The following PIP5K1B variants were observed in gnomAD, a reference collection of about 807,000 sequenced individuals.
PIP5K1B encodes the protein phosphatidylinositol-4-phosphate 5-kinase type 1 beta.
PIP5K1B carries 42 observed loss-of-function variants against 67.0 expected under a neutral mutation model. That is an observed-to-expected ratio of 0.63 (90% CI 0.49 to 0.81). PIP5K1B has a LOEUF of 0.81. PIP5K1B is among the 30% of genes least tolerant of loss of function. The pLI is 0.00. For synonymous variants in PIP5K1B, 214 were observed against 231.4 expected, an observed-to-expected ratio of 0.92 and a Z score of 0.68; for missense variants, 459 against 646.3, an observed-to-expected ratio of 0.71 and a Z score of 3.14.
chr9:68,768,994 C>A (rs766718527), intron 2 of PIP5K1B, among the ~76,000 whole-genome samples: 1 of 152,164 alleles, frequency 6.6e-6, no homozygotes, highest in Non-Finnish European at 1.5e-5. Context: ...TCGTAGTCGC[C>A]CTGTTGGGAA....
chr9:68,749,578 G>A (rs1387593616), intron 2 of PIP5K1B, among the ~76,000 whole-genome samples: 1 of 152,160 alleles, frequency 6.6e-6, no homozygotes, highest in Non-Finnish European at 1.5e-5. Flanking sequence ...AAGGTAACAT[G>A]ACCACCTGTA....
intron 4 of PIP5K1B, among the ~76,000 whole-genome samples, chr9:68,851,038 T>C (rs557038273): frequency 6.6e-6 from 1 of 152,340 alleles, no homozygotes; most frequent in Admixed American, 6.5e-5. Context: ...GTCCATAATT[T>C]GATGCTGCTG....
intron 4 of PIP5K1B, among the ~76,000 whole-genome samples, chr9:68,841,063 C>T (rs12341508): frequency 0.064 from 9,680 of 152,226 alleles, 630 homozygotes; most frequent in African/African-American, 0.16. Flanking sequence ...ATTTCCTTCT[C>T]CTCTTCTCTT....
chr9:68,869,004 T>C (rs1823495319), intron 5 of PIP5K1B, among the ~76,000 whole-genome samples: 1 of 152,222 alleles, frequency 6.6e-6, no homozygotes, highest in Non-Finnish European at 1.5e-5. Context: ...TAAGCAAACA[T>C]ATATGTCAAA....
chr9:69,007,590 G>A (rs192374674), intron 15 of PIP5K1B, among the ~76,000 whole-genome samples: 30 of 152,310 alleles, frequency 2.0e-4, no homozygotes, highest in Admixed American at 5.9e-4. Flanking sequence ...GGGTGAGGTG[G>A]CTCACGCCTG....
chr9:68,811,501 A>G (rs1411307540), intron 2 of PIP5K1B, among the ~76,000 whole-genome samples: 1 of 152,142 alleles, frequency 6.6e-6, no homozygotes, highest in Non-Finnish European at 1.5e-5. Flanking sequence ...CTTAGGTGGC[A>G]TCTCCAATAG....
Position 69,008,486 on chromosome 9 carries a change from G to A in PIP5K1B, c.*37G>A, listed in dbSNP as rs771826277. ...GATCACCTAAGCACATGGATGAGAC[G>A]TGAGCACAGTTATGGCAGAGAAGTT... On this transcript the variant is annotated 3_prime_UTR_variant, in exon 16 of 16. Transcript: ENST00000265382. The A allele has an allele frequency of 1.4e-5, 23 of 1,608,316 alleles. No homozygotes were observed. The highest frequency in any genetic ancestry group is 8.0e-5 in the African/African-American group (6 of 74,796).
intron 15 of PIP5K1B, 111 bp from the exon 16 acceptor site, chr9:69,008,336 T>G (rs1053395275): frequency 1.1e-6 from 1 of 933,546 alleles, no homozygotes; most frequent in African/African-American, 1.6e-5. Context: ...CACCCCATTT[T>G]CCAGACACAA....
intron 2 of PIP5K1B, among the ~76,000 whole-genome samples, chr9:68,749,766 A>C (rs946170534): frequency 1.3e-5 from 2 of 152,120 alleles, no homozygotes; most frequent in African/African-American, 4.8e-5. Flanking sequence ...TGCCCTGAGG[A>C]TGTTCAGCGG....
intron 14 of PIP5K1B, among the ~76,000 whole-genome samples, chr9:68,980,229 G>A (rs1443666131): frequency 6.6e-6 from 1 of 152,194 alleles, no homozygotes; most frequent in East Asian, 1.9e-4. Flanking sequence ...TTTTCCCAGT[G>A]GGGCACAAGG....
In PIP5K1B at chr9:68,888,049, A is replaced by T. The variant is rs1489414103; in HGVS notation, c.319-932A>T. Among the ~76,000 whole-genome samples, 3 of 142,870 alleles carry T rather than the reference A, an allele frequency of 2.1e-5. No individual in the cohort carries two copies. The East Asian group carries it at 6.2e-4, about 30-fold the overall frequency. 93.7% of individuals were successfully genotyped at this position (142,870 alleles called of 152,430 possible). On this transcript the variant is annotated intron_variant, in intron 6 of 15. Coordinates refer to ENST00000265382, the MANE Select transcript of PIP5K1B (RefSeq NM_003558.4). ...GCTGGAGTGCAATGGTGTGATCTTG[A>T]CTCACTGCAACCTCCACCTCCCAGG...
intron 14 of PIP5K1B, among the ~76,000 whole-genome samples, chr9:68,943,776 T>G (rs1827673809): frequency 6.6e-6 from 1 of 152,268 alleles, no homozygotes; most frequent in African/African-American, 2.4e-5. Context: ...GTTTTCCGAT[T>G]TTGACATTAT....
At chr9:68,811,766 CCT>C (rs1390477462) in intron 2 of PIP5K1B, among the ~76,000 whole-genome samples, 2 of 152,282 alleles carry the variant, frequency 1.3e-5, no homozygotes, top group African/African-American at 4.8e-5. Context: ...TTAAATATCC[CCT>C]CTTTAATATA....
chr9:68,997,658 C>T (rs1358636510), intron 15 of PIP5K1B, among the ~76,000 whole-genome samples: 1 of 152,150 alleles, frequency 6.6e-6, no homozygotes, highest in Non-Finnish European at 1.5e-5. Flanking sequence ...AAGTTATTGA[C>T]AAATAATATT....
intron 4 of PIP5K1B, among the ~76,000 whole-genome samples, chr9:68,861,081 G>A (rs971166833): frequency 6.6e-6 from 1 of 152,132 alleles, no homozygotes; most frequent in Non-Finnish European, 1.5e-5. Flanking sequence ...TATATCAAGT[G>A]CCTGGCATAA....
At chr9:68,815,273 A>C (rs1833381165) in intron 2 of PIP5K1B, among the ~76,000 whole-genome samples, 1 of 151,826 alleles carries the variant, frequency 6.6e-6, no homozygotes, top group South Asian at 2.1e-4. Context: ...CTATTAAAAA[A>C]AAAAAGAGTG....
At chr9:68,937,730 T>C (rs1010247951) in intron 13 of PIP5K1B, among the ~76,000 whole-genome samples, 3 of 152,234 alleles carry the variant, frequency 2.0e-5, no homozygotes, top group Non-Finnish European at 4.4e-5. Context: ...CTGCTTTCTC[T>C]TGTGGGCATT....
rs139510872 is a variant in PIP5K1B, at chr9:68,963,282, C to A, written c.1502+22492C>A. 87 of 452,750 alleles carry A rather than the reference C, an allele frequency of 1.9e-4. 1 individual carries two copies. The East Asian group carries it at 4.1e-3, about 21-fold the overall frequency. 28.0% of individuals were successfully genotyped at this position (452,750 alleles called of 1,614,324 possible). A position where few individuals can be genotyped will look rare whatever the true frequency, so the allele number is the denominator to read the frequency against. On this transcript the variant is annotated intron_variant, in intron 14 of 15. Coordinates refer to ENST00000265382, the MANE Select transcript of PIP5K1B (RefSeq NM_003558.4). Reference sequence around the variant, plus strand: ...CTTTGCGAGGCCGAGGCAGACTGATCTCTTGAGTCCGGAAGTTCAAGACCA... The same window carrying A: ...CTTTGCGAGGCCGAGGCAGACTGATATCTTGAGTCCGGAAGTTCAAGACCA...
At chr9:68,955,447 C>T (rs960099685) in intron 14 of PIP5K1B, among the ~76,000 whole-genome samples, 2 of 152,194 alleles carry the variant, frequency 1.3e-5, no homozygotes, top group African/African-American at 4.8e-5. Flanking sequence ...TCATTTGTCC[C>T]GTGTGTCATT....
Sources: gnomAD v4.1 joint callset for allele counts (sites outside exome capture counted in the v4.1 genomes callset) on GRCh38, gnomAD v4.1.1 for gene constraint, MANE v1.5 for transcripts, NCBI Gene and HGNC (gene_info 2026-07-23, HGNC 2026-07-21) for gene names.